SRGAP1: variants seen among roughly 807,000 people sequenced by gnomAD.
SRGAP1 encodes the protein SLIT-ROBO Rho GTPase-activating protein 1.
In SRGAP1, 43 loss-of-function variants were observed where a neutral mutation model predicts 121.9. That is an observed-to-expected ratio of 0.35 (90% CI 0.28 to 0.46). The LOEUF (loss-of-function observed/expected upper bound fraction) is 0.46. Ranked by LOEUF, SRGAP1 falls within the 20% of genes least tolerant of loss-of-function variation. SRGAP1 has a pLI of 1.00. For synonymous variants in SRGAP1, 447 were observed against 485.4 expected, an observed-to-expected ratio of 0.92 and a Z score of 1.04; for missense variants, 1,102 against 1,350.9, an observed-to-expected ratio of 0.82 and a Z score of 2.89.
At chr12:64,092,919 G>T (rs1483620367) in intron 12 of SRGAP1, among the ~76,000 whole-genome samples, 1 of 152,144 alleles carries the variant, frequency 6.6e-6, no homozygotes, top group East Asian at 1.9e-4. Flanking sequence ...GCAGTTAAAT[G>T]AAAGTAAATT....
intron 3 of SRGAP1, among the ~76,000 whole-genome samples, chr12:63,996,623 G>T (rs559120819): frequency 6.6e-6 from 1 of 152,202 alleles, no homozygotes; most frequent in Admixed American, 6.5e-5. Flanking sequence ...TTAGCAGTAA[G>T]CTAACACATA....
At chr12:64,136,340 C>G (rs951173549) in intron 21 of SRGAP1, among the ~76,000 whole-genome samples, 2 of 152,046 alleles carry the variant, frequency 1.3e-5, no homozygotes, top group Non-Finnish European at 2.9e-5. Context: ...GCACTCCAGC[C>G]AGGGTGACAG....
At chr12:64,013,074 G>A (rs1001079517) in intron 3 of SRGAP1, among the ~76,000 whole-genome samples, 6 of 152,064 alleles carry the variant, frequency 3.9e-5, no homozygotes, top group Admixed American at 3.9e-4. Context: ...TAACAACCCA[G>A]ATATTTTCTA....
chr12:64,111,677 A>G, intron 16 of SRGAP1, 85 bp from the exon 17 acceptor site: 1 of 1,140,800 alleles, frequency 8.8e-7, no homozygotes, highest in East Asian at 2.6e-5. Context: ...ATCTTATTAA[A>G]GTATTGAAGT....
chr12:63,933,042 G>C (rs1008388264), intron 1 of SRGAP1, among the ~76,000 whole-genome samples: 2 of 152,106 alleles, frequency 1.3e-5, no homozygotes, highest in African/African-American at 4.8e-5. Flanking sequence ...ACAAAAATTA[G>C]CTGGACTTGG....
At chr12:64,007,952 G>A (rs2034136330) in intron 3 of SRGAP1, among the ~76,000 whole-genome samples, 1 of 152,094 alleles carries the variant, frequency 6.6e-6, no homozygotes, top group Non-Finnish European at 1.5e-5. Flanking sequence ...ATAGACTGTT[G>A]CATTCAAATT....
chr12:63,946,558 G>A (rs962588817), intron 1 of SRGAP1, among the ~76,000 whole-genome samples: 4 of 103,196 alleles, frequency 3.9e-5, no homozygotes, highest in African/African-American at 1.5e-4. Flanking sequence ...TTTTTTTTTT[G>A]AGACAGAGTC....
chr12:64,041,082 T>G (rs1360902103), intron 4 of SRGAP1, among the ~76,000 whole-genome samples: 3 of 152,114 alleles, frequency 2.0e-5, no homozygotes, highest in Non-Finnish European at 2.9e-5. Context: ...CATATATCAT[T>G]TCTAAGAGAA....
At chr12:63,979,631 G>C (rs193029292) in intron 1 of SRGAP1, among the ~76,000 whole-genome samples, 2 of 151,876 alleles carry the variant, frequency 1.3e-5, no homozygotes, top group Non-Finnish European at 2.9e-5. Flanking sequence ...GATTGGTTTA[G>C]GATTTGTCTT....
chr12:64,038,524 T>C lies in SRGAP1; in HGVS notation c.490-4266T>C, dbSNP rs778796420. On this transcript the variant is annotated intron_variant, in intron 4 of 21. Coordinates refer to ENST00000355086, the MANE Select transcript of SRGAP1 (RefSeq NM_020762.4). The stretch of plus-strand genomic sequence containing the variant: ...AATCTATTGATCTCTCCAACACATA[T>C]AGTTTTCAGATATATAGTGATTTCT... The C allele has an allele frequency of 3.9e-5, 6 of 152,312 alleles. No homozygotes were observed. The East Asian group carries it at 7.7e-4, about 20-fold the overall frequency. 9.4% of individuals were successfully genotyped at this position (152,312 alleles called of 1,614,324 possible).
chr12:64,127,740 G>C lies in SRGAP1; in HGVS notation c.2540+16G>C, dbSNP rs1297224919. The stretch of plus-strand genomic sequence containing the variant: ...ATTTAGCCAGGTAAGTAGAGCCTGG[G>C]AATCAGGCCCCTAAGCCTCCGCTCC... On this transcript the variant is annotated intron_variant, in intron 20 of 21. Transcript: ENST00000355086. 1.2e-6 allele frequency: 2 copies of C among 1,613,312 alleles called. No homozygotes were observed. Among genetic ancestry groups the C allele is most frequent in the African/African-American group, 2.7e-5 (2 of 74,890 alleles).
intron 11 of SRGAP1, among the ~76,000 whole-genome samples, chr12:64,088,529 T>G (rs2035987810): frequency 6.6e-6 from 1 of 152,162 alleles, no homozygotes; most frequent in East Asian, 1.9e-4. Context: ...GGAAACCAAA[T>G]TATCAGGAAG....
At chr12:64,029,666 A>G (rs2034730048) in intron 4 of SRGAP1, among the ~76,000 whole-genome samples, 2 of 152,170 alleles carry the variant, frequency 1.3e-5, no homozygotes, top group South Asian at 4.1e-4. Context: ...CGTACACTCT[A>G]ATATTGCAAG....
intron 15 of SRGAP1, among the ~76,000 whole-genome samples, chr12:64,105,160 A>G (rs972712348): frequency 2.0e-5 from 3 of 152,100 alleles, no homozygotes; most frequent in African/African-American, 7.2e-5. Context: ...GGAATCATAT[A>G]ATACTTGTTC....
chr12:64,045,024 C>G (rs2035100615), intron 6 of SRGAP1, among the ~76,000 whole-genome samples: 1 of 151,906 alleles, frequency 6.6e-6, no homozygotes, highest in Non-Finnish European at 1.5e-5. Flanking sequence ...CTTTTCGTCT[C>G]AAAACAACTT....
intron 3 of SRGAP1, among the ~76,000 whole-genome samples, chr12:64,001,998 G>A (rs916356488): frequency 6.6e-6 from 1 of 152,102 alleles, no homozygotes; most frequent in African/African-American, 2.4e-5. Context: ...GGTAGTTTGG[G>A]GAAGAAGACC....
chr12:63,923,986 CA>C (rs1303137886), intron 1 of SRGAP1, among the ~76,000 whole-genome samples: 2 of 152,010 alleles, frequency 1.3e-5, no homozygotes, highest in Non-Finnish European at 2.9e-5. Flanking sequence ...ACTAAAAATA[CA>C]AAAACTAGCC....
intron 17 of SRGAP1, 69 bp downstream of exon 17, chr12:64,112,055 G>C (rs1021655982): frequency 1.5e-6 from 2 of 1,290,842 alleles, no homozygotes; most frequent in East Asian, 4.7e-5. Context: ...AATTTGATTA[G>C]AAGAAAGAGT....
intron 8 of SRGAP1, among the ~76,000 whole-genome samples, chr12:64,075,025 G>C (rs1040072727): frequency 6.6e-6 from 1 of 151,518 alleles, no homozygotes; most frequent in Admixed American, 6.6e-5. Context: ...AGACCACCTC[G>C]GTCGGGGAGA....
Sources: allele counts gnomAD v4.1 joint callset (sites outside exome capture counted in the v4.1 genomes callset), GRCh38; gene constraint gnomAD v4.1.1; transcripts MANE v1.5; gene names NCBI Gene and HGNC (gene_info 2026-07-23, HGNC 2026-07-21).